TBC1D19: variants seen among roughly 807,000 people sequenced by gnomAD.
TBC1D19 encodes the protein TBC1 domain family, member 19.
Under a neutral mutation model 89.0 loss-of-function variants are expected in TBC1D19, and 60 were observed. The ratio of observed to expected loss-of-function variants is 0.67; its 90% CI spans 0.55 to 0.84. The LOEUF is 0.84. Among genes scored for constraint, TBC1D19 ranks in the 40% least tolerant of loss-of-function variants. The pLI, the probability that TBC1D19 is intolerant of heterozygous loss-of-function variation, is 0.00. For synonymous variants in TBC1D19, 189 were observed against 199.7 expected, an observed-to-expected ratio of 0.95 and a Z score of 0.45; for missense variants, 500 against 610.8, an observed-to-expected ratio of 0.82 and a Z score of 1.91.
chr4:26,820,595 T>C, the TBC1D19 span, among the ~76,000 whole-genome samples: 3 of 152,350 alleles, frequency 2.0e-5, no homozygotes, highest in Non-Finnish European at 4.4e-5. Context: ...TATTTATCCA[T>C]TGATGGGCAC....
At chr4:26,780,218 A>G in the TBC1D19 span, among the ~76,000 whole-genome samples, 1 of 152,178 alleles carries the variant, frequency 6.6e-6, no homozygotes, top group Non-Finnish European at 1.5e-5. Flanking sequence ...GGATTCTTAA[A>G]ATCTGTTTCT....
intron 7 of TBC1D19, among the ~76,000 whole-genome samples, chr4:26,655,250 T>C (rs1385302155): frequency 1.3e-5 from 2 of 152,078 alleles, no homozygotes; most frequent in Non-Finnish European, 2.9e-5. Flanking sequence ...CTCAGAGGAG[T>C]ACCCGGCCAT....
At chr4:26,698,708 A>G (rs768526724) in intron 13 of TBC1D19, among the ~76,000 whole-genome samples, 4 of 152,110 alleles carry the variant, frequency 2.6e-5, no homozygotes, top group Non-Finnish European at 5.9e-5. Context: ...AAATAATACT[A>G]CACATTTACA....
intron 4 of TBC1D19, among the ~76,000 whole-genome samples, chr4:26,624,241 C>A (rs1371082877): frequency 6.6e-6 from 1 of 152,200 alleles, no homozygotes; most frequent in Non-Finnish European, 1.5e-5. Context: ...AGGGTCAGCT[C>A]AGATGGCATC....
intron 18 of TBC1D19, among the ~76,000 whole-genome samples, chr4:26,742,993 A>G (rs1197967458): frequency 6.6e-6 from 1 of 152,132 alleles, no homozygotes; most frequent in Non-Finnish European, 1.5e-5. Flanking sequence ...GAAAACTATA[A>G]AAGTTAAAGT....
At chr4:26,739,787 T>G (rs535029736) in intron 16 of TBC1D19, 77 bp from the exon 17 acceptor site, 1 of 814,628 alleles carries the variant, frequency 1.2e-6, no homozygotes, top group Admixed American at 3.0e-5. Flanking sequence ...AATAGTGATT[T>G]ATTATGACAT....
chr4:26,635,103 G>C (rs184075803), intron 4 of TBC1D19, among the ~76,000 whole-genome samples: 3 of 152,068 alleles, frequency 2.0e-5, no homozygotes, highest in Admixed American at 6.6e-5. Context: ...CTTATAATAG[G>C]ATAAATAAAA....
At chr4:26,598,917 A>T (rs949615213) in intron 1 of TBC1D19, among the ~76,000 whole-genome samples, 13 of 152,140 alleles carry the variant, frequency 8.5e-5, no homozygotes, top group Non-Finnish European at 2.9e-5. Context: ...AATAGAAAAA[A>T]TAGAAAATTA....
At chr4:26,807,161 G>A in the TBC1D19 span, among the ~76,000 whole-genome samples, 1 of 152,100 alleles carries the variant, frequency 6.6e-6, no homozygotes, top group East Asian at 1.9e-4. Flanking sequence ...AGGGGTGTCG[G>A]CAACCTTCAT....
the TBC1D19 span, among the ~76,000 whole-genome samples, chr4:26,768,810 AG>A: frequency 2.0e-3 from 312 of 152,238 alleles, 3 homozygotes; most frequent in African/African-American, 7.3e-3. Context: ...AATAATAAAA[AG>A]ATAGTCAATT....
chr4:26,639,452 G>T (rs1743347074), intron 6 of TBC1D19, among the ~76,000 whole-genome samples: 1 of 151,828 alleles, frequency 6.6e-6, no homozygotes, highest in Non-Finnish European at 1.5e-5. Context: ...TTTTAATTAA[G>T]GTAAATATTG....
At chr4:26,701,049 C>T (rs959953439) in intron 13 of TBC1D19, among the ~76,000 whole-genome samples, 16 of 152,156 alleles carry the variant, frequency 1.1e-4, no homozygotes, top group Non-Finnish European at 2.4e-4. Context: ...ATATTCCAGC[C>T]ACCCTGATCT....
chr4:26,842,086 C>G, the TBC1D19 span, among the ~76,000 whole-genome samples: 4 of 152,116 alleles, frequency 2.6e-5, no homozygotes, highest in African/African-American at 9.7e-5. Context: ...TTTTCCTGCT[C>G]TTTGAACAAA....
intron 15 of TBC1D19, among the ~76,000 whole-genome samples, chr4:26,720,897 A>G (rs555160557): frequency 3.9e-5 from 6 of 152,250 alleles, no homozygotes; most frequent in South Asian, 4.1e-4. Flanking sequence ...ATAAAACCAC[A>G]AAGTGCCTGA....
At chr4:26,658,880 C>T (rs936896035) in intron 7 of TBC1D19, among the ~76,000 whole-genome samples, 2 of 152,098 alleles carry the variant, frequency 1.3e-5, no homozygotes, top group African/African-American at 2.4e-5. Flanking sequence ...ATTTGGCTCT[C>T]TGTTTGTCTG....
the TBC1D19 span, among the ~76,000 whole-genome samples, chr4:26,768,462 A>G: frequency 6.6e-6 from 1 of 152,210 alleles, no homozygotes; most frequent in Non-Finnish European, 1.5e-5. Context: ...ATTACCAGAC[A>G]TGCAAAGAAG....
chr4:26,735,800 G>A (rs1047919679), intron 16 of TBC1D19, among the ~76,000 whole-genome samples: 12 of 152,144 alleles, frequency 7.9e-5, no homozygotes, highest in African/African-American at 2.7e-4. Flanking sequence ...CAGCATTTTG[G>A]GAGGCTGCTG....
chr4:26,838,332 A>C, the TBC1D19 span, among the ~76,000 whole-genome samples: 1 of 152,218 alleles, frequency 6.6e-6, no homozygotes, highest in Non-Finnish European at 1.5e-5. Context: ...GTAGAGGCTG[A>C]AAGTATTTAT....
At chr4:26,845,205 T>A in the TBC1D19 span, among the ~76,000 whole-genome samples, 1 of 152,162 alleles carries the variant, frequency 6.6e-6, no homozygotes, top group Non-Finnish European at 1.5e-5. Flanking sequence ...CATCATTTAT[T>A]TTACCATTAT....
Sources: allele counts gnomAD v4.1 joint callset (sites outside exome capture counted in the v4.1 genomes callset), GRCh38; gene constraint gnomAD v4.1.1; transcripts MANE v1.5; gene names NCBI Gene and HGNC (gene_info 2026-07-23, HGNC 2026-07-21).